The following RBFOX1 variants were observed in gnomAD, a reference collection of about 807,000 sequenced individuals.
RBFOX1 encodes RNA binding fox-1 homolog 1, also known as RNA binding protein fox-1 homolog 1.
RBFOX1 carries 8 observed loss-of-function variants against 57.7 expected under a neutral mutation model. The ratio of observed to expected loss-of-function variants is 0.14; its 90% CI spans 0.08 to 0.25. The LOEUF is 0.25. Ranked by LOEUF, RBFOX1 falls within the 10% of genes least tolerant of loss-of-function variation. The pLI is 1.00. For missense variants in RBFOX1, 611 were observed against 548.5 expected, an observed-to-expected ratio of 1.11 and a Z score of -1.14; for synonymous variants, 326 against 222.4, an observed-to-expected ratio of 1.47 and a Z score of -4.15.
intron 2 of RBFOX1, among the ~76,000 whole-genome samples, chr16:6,579,571 C>T (rs777331128): frequency 1.3e-5 from 2 of 152,134 alleles, no homozygotes; most frequent in Non-Finnish European, 2.9e-5. Context: ...CTGCACTTTT[C>T]CTTGCTGCTG....
At chr16:7,402,096 G>T (rs2148821643) in intron 4 of RBFOX1, among the ~76,000 whole-genome samples, 1 of 152,230 alleles carries the variant, frequency 6.6e-6, no homozygotes, top group South Asian at 2.1e-4. Flanking sequence ...GTATCCTAAA[G>T]TAATGGTTTG....
In RBFOX1 at chr16:5,921,878, G is replaced by T. The variant is rs181056532; in HGVS notation, c.351+54543G>T. Among the ~76,000 whole-genome samples, 52 of 152,144 alleles carry T rather than the reference G, an allele frequency of 3.4e-4. No homozygotes were observed. The East Asian group carries it at 8.9e-3, about 26-fold the overall frequency. On this transcript the variant is annotated intron_variant, in intron 4 of 19. Coordinates refer to the RBFOX1 transcript ENST00000641259. ...CTTTTAACAACCAGATAGGCCAGGT[G>T]TGGTGGCTTAGGCCTGTAATCCCAG...
intron 4 of RBFOX1, among the ~76,000 whole-genome samples, chr16:7,244,427 T>C (rs968777631): frequency 6.6e-6 from 1 of 152,126 alleles, no homozygotes; most frequent in African/African-American, 2.4e-5. Context: ...GCACACATCT[T>C]TGTCATTTCT....
intron 3 of RBFOX1, among the ~76,000 whole-genome samples, chr16:6,955,848 G>A (rs1400446184): frequency 6.6e-6 from 1 of 152,034 alleles, no homozygotes; most frequent in East Asian, 1.9e-4. Context: ...TGGGATTATA[G>A]ATGCATGCCA....
At chr16:6,877,210 C>G (rs577720539) in intron 3 of RBFOX1, among the ~76,000 whole-genome samples, 1 of 152,184 alleles carries the variant, frequency 6.6e-6, no homozygotes, top group Non-Finnish European at 1.5e-5. Flanking sequence ...GTGCATTTAA[C>G]ATTTTTAATA....
intron 1 of RBFOX1, among the ~76,000 whole-genome samples, chr16:6,040,787 G>A (rs574757911): frequency 6.6e-6 from 1 of 151,902 alleles, no homozygotes; most frequent in African/African-American, 2.4e-5. Flanking sequence ...GTAGAGACTG[G>A]GTTTCCTTAT....
chr16:7,012,014 C>G (rs1351747797), intron 3 of RBFOX1, among the ~76,000 whole-genome samples: 1 of 152,066 alleles, frequency 6.6e-6, no homozygotes, highest in Non-Finnish European at 1.5e-5. Flanking sequence ...GAGGTCTAGT[C>G]CAGTCACTGT....
At chr16:7,090,343 C>A (rs1022535736) in intron 4 of RBFOX1, among the ~76,000 whole-genome samples, 1 of 152,118 alleles carries the variant, frequency 6.6e-6, no homozygotes, top group Non-Finnish European at 1.5e-5. Context: ...TATGTTTTTA[C>A]TAAGATGGAA....
At chr16:5,661,085 C>T (rs550661375) in intron 3 of RBFOX1, among the ~76,000 whole-genome samples, 1 of 152,280 alleles carries the variant, frequency 6.6e-6, no homozygotes, top group East Asian at 1.9e-4. Context: ...TGGCCGTCTT[C>T]CTCCTGAGAT....
intron 4 of RBFOX1, among the ~76,000 whole-genome samples, chr16:6,010,675 G>A (rs1432588709): frequency 6.6e-6 from 1 of 152,194 alleles, no homozygotes; most frequent in Non-Finnish European, 1.5e-5. Context: ...AGAGAAGGCT[G>A]AAGTGGATGT....
rs373600596 is a variant in RBFOX1, at chr16:6,997,259, TCTC to T, written c.-15-54795_-15-54793del. ...AAGACTAGAGTGATTTGACTCAACT[TCTC>T]CTTCTAGTAAAAAAAAGTCTGCCAC... On this transcript the variant is annotated intron_variant, in intron 3 of 15. Coordinates refer to ENST00000550418, the MANE Select transcript of RBFOX1 (RefSeq NM_018723.4). 3.6e-3 allele frequency among the ~76,000 whole-genome samples: 553 copies of T among 152,118 alleles called. 5 individuals carry two copies. The highest frequency in any genetic ancestry group is 0.012 in the African/African-American group (518 of 41,496).
chr16:6,197,961 G>A (rs1234833033), intron 1 of RBFOX1, among the ~76,000 whole-genome samples: 1 of 152,174 alleles, frequency 6.6e-6, no homozygotes, highest in Non-Finnish European at 1.5e-5. Flanking sequence ...CATCCATGTT[G>A]CTGCAAAGGA....
intron 4 of RBFOX1, among the ~76,000 whole-genome samples, chr16:7,274,971 A>G (rs2095412281): frequency 6.6e-6 from 1 of 152,302 alleles, no homozygotes; most frequent in South Asian, 2.1e-4. Context: ...GGTGTGAGTC[A>G]CTGCACCTGC....
chr16:5,561,511 T>C (rs1008528986), intron 2 of RBFOX1, among the ~76,000 whole-genome samples: 1 of 152,120 alleles, frequency 6.6e-6, no homozygotes, highest in Non-Finnish European at 1.5e-5. Flanking sequence ...TCTAACTTAA[T>C]TAGCTGGGAA....
intron 4 of RBFOX1, among the ~76,000 whole-genome samples, chr16:7,344,101 CTTTTTTTTTTTTT>C (rs61008217): frequency 6.6e-5 from 6 of 90,612 alleles, no homozygotes; most frequent in South Asian, 4.0e-4. Context: ...CTCAGCTTTA[CTTTTTTTTTTTTT>C]TTTTTTTTTT....
intron 4 of RBFOX1, among the ~76,000 whole-genome samples, chr16:7,122,975 C>G (rs1328970587): frequency 1.3e-5 from 2 of 152,014 alleles, no homozygotes; most frequent in Non-Finnish European, 2.9e-5. Flanking sequence ...TAAATCCATT[C>G]CTATGACATC....
At chr16:6,623,260 G>T (rs954259200) in intron 2 of RBFOX1, among the ~76,000 whole-genome samples, 17 of 152,070 alleles carry the variant, frequency 1.1e-4, no homozygotes, top group African/African-American at 4.1e-4. Flanking sequence ...GCACAAGACA[G>T]AGCTAACCTG....
chr16:7,382,383 A>G (rs2097794733), intron 4 of RBFOX1, among the ~76,000 whole-genome samples: 1 of 152,178 alleles, frequency 6.6e-6, no homozygotes. Flanking sequence ...TGGAATGTAT[A>G]TTTTTCATAT....
intron 1 of RBFOX1, among the ~76,000 whole-genome samples, chr16:6,238,623 A>G (rs2097523826): frequency 6.6e-6 from 1 of 152,172 alleles, no homozygotes; most frequent in South Asian, 2.1e-4. Flanking sequence ...TGCATTAAAA[A>G]CTATCAAAAT....
Sources: allele counts gnomAD v4.1 joint callset (sites outside exome capture counted in the v4.1 genomes callset), GRCh38; gene constraint gnomAD v4.1.1; transcripts MANE v1.5; gene names NCBI Gene and HGNC (gene_info 2026-07-23, HGNC 2026-07-21).